The following KHDRBS2 variants were observed in gnomAD, a reference collection of about 807,000 sequenced individuals.
The protein encoded by KHDRBS2 is KH domain-containing, RNA-binding, signal transduction-associated protein 2.
Under a neutral mutation model 44.3 loss-of-function variants are expected in KHDRBS2, and 26 were observed. That is an observed-to-expected ratio of 0.59 (90% CI 0.43 to 0.81). The LOEUF (loss-of-function observed/expected upper bound fraction) is 0.81, where lower values mean the gene tolerates loss of function less well. KHDRBS2 is among the 40% of genes least tolerant of loss of function. KHDRBS2 has a pLI of 0.00. For missense variants in KHDRBS2, 476 were observed against 433.1 expected, an observed-to-expected ratio of 1.10 and a Z score of -0.88; for synonymous variants, 194 against 151.1, an observed-to-expected ratio of 1.28 and a Z score of -2.08.
At chr6:61,876,433 A>T (rs1378409295) in intron 6 of KHDRBS2, among the ~76,000 whole-genome samples, 1 of 152,008 alleles carries the variant, frequency 6.6e-6, no homozygotes, top group Non-Finnish European at 1.5e-5. Flanking sequence ...CAGTGAGGTG[A>T]CACAGAAGAA....
chr6:61,708,036 C>T (rs1441957212), intron 7 of KHDRBS2, among the ~76,000 whole-genome samples: 2 of 151,510 alleles, frequency 1.3e-5, no homozygotes, highest in African/African-American at 4.8e-5. Flanking sequence ...ATATTTTAGA[C>T]AGTTAATTTT....
intron 2 of KHDRBS2, among the ~76,000 whole-genome samples, chr6:62,071,917 T>A (rs1201011101): frequency 1.3e-5 from 2 of 152,186 alleles, no homozygotes; most frequent in Admixed American, 1.3e-4. Flanking sequence ...ATTGAATCTA[T>A]AAATTACCTT....
intron 6 of KHDRBS2, among the ~76,000 whole-genome samples, chr6:61,824,597 C>T (rs1790541191): frequency 6.6e-6 from 1 of 152,118 alleles, no homozygotes; most frequent in South Asian, 2.1e-4. Flanking sequence ...CAGGATTCTA[C>T]TTTGCCCTAA....
chr6:62,248,268 T>C lies in KHDRBS2; in HGVS notation c.91+37590A>G, dbSNP rs376124488. Among the ~76,000 whole-genome samples the C allele has an allele frequency of 2.0e-3, 306 of 151,234 alleles. 10 individuals carry two copies. In the South Asian group the frequency reaches 0.06, roughly 30 times the overall value. On this transcript the variant is annotated intron_variant, in intron 1 of 8. Coordinates refer to ENST00000281156, the MANE Select transcript of KHDRBS2 (RefSeq NM_152688.4). ...TGGGTAATTAAATGAATTAGGACAA[T>C]AAAGGACAGCTTGTGGTATTTTAAA...
chr6:61,871,204 C>T (rs528589480), intron 6 of KHDRBS2, among the ~76,000 whole-genome samples: 1 of 152,184 alleles, frequency 6.6e-6, no homozygotes, highest in South Asian at 2.1e-4. Flanking sequence ...AGAACTTCGT[C>T]AAGCATACAC....
At chr6:61,757,307 C>A (rs1486759728) in intron 6 of KHDRBS2, among the ~76,000 whole-genome samples, 1 of 152,106 alleles carries the variant, frequency 6.6e-6, no homozygotes, top group Non-Finnish European at 1.5e-5. Flanking sequence ...CACTGCAATT[C>A]TATTAGTTTT....
intron 2 of KHDRBS2, among the ~76,000 whole-genome samples, chr6:62,071,206 ATTTG>A (rs1349705777): frequency 6.6e-6 from 1 of 151,858 alleles, no homozygotes; most frequent in African/African-American, 2.4e-5. Context: ...TTTCTTGTAA[ATTTG>A]TTTGAGATCA....
chr6:61,869,241 C>T (rs1304447183), intron 6 of KHDRBS2, among the ~76,000 whole-genome samples: 2 of 152,174 alleles, frequency 1.3e-5, no homozygotes, highest in African/African-American at 4.8e-5. Context: ...TCATCCCTCT[C>T]TGTATATGCC....
At chr6:62,096,110 T>A (rs1396570906) in intron 2 of KHDRBS2, among the ~76,000 whole-genome samples, 1 of 151,954 alleles carries the variant, frequency 6.6e-6, no homozygotes, top group East Asian at 1.9e-4. Flanking sequence ...GCTTTTGGAT[T>A]TGGTTTGCTA....
intron 2 of KHDRBS2, among the ~76,000 whole-genome samples, chr6:62,096,308 C>A (rs1014281068): frequency 2.0e-5 from 3 of 151,880 alleles, no homozygotes; most frequent in Non-Finnish European, 4.4e-5. Context: ...GATACCAGTT[C>A]TTCTTTAAAA....
the KHDRBS2 span, among the ~76,000 whole-genome samples, chr6:61,547,609 A>G: frequency 1.3e-5 from 2 of 152,046 alleles, no homozygotes; most frequent in African/African-American, 4.8e-5. Flanking sequence ...TAGAGCAGTG[A>G]CTCTTAATCC....
chr6:61,779,680 TA>T (rs1782634930), intron 6 of KHDRBS2, among the ~76,000 whole-genome samples: 1 of 152,052 alleles, frequency 6.6e-6, no homozygotes, highest in South Asian at 2.1e-4. Flanking sequence ...GTGTTATAAT[TA>T]AATTTTATAT....
At chr6:62,078,619 A>G (rs1437624786) in intron 2 of KHDRBS2, among the ~76,000 whole-genome samples, 1 of 151,996 alleles carries the variant, frequency 6.6e-6, no homozygotes, top group Non-Finnish European at 1.5e-5. Context: ...ATTTGTAATT[A>G]TTTATACCAT....
At chr6:61,835,281 G>A (rs981177803) in intron 6 of KHDRBS2, among the ~76,000 whole-genome samples, 128 of 152,158 alleles carry the variant, frequency 8.4e-4, no homozygotes, top group African/African-American at 3.1e-3. Flanking sequence ...TGCCTACGTG[G>A]CAATTCTAAA....
At chr6:61,600,043 G>C in the KHDRBS2 span, among the ~76,000 whole-genome samples, 2 of 152,178 alleles carry the variant, frequency 1.3e-5, no homozygotes, top group Admixed American at 6.5e-5. Flanking sequence ...TACACTTAAG[G>C]CTAGTCTGCA....
chr6:61,608,314 G>C, the KHDRBS2 span, among the ~76,000 whole-genome samples: 1 of 82,076 alleles, frequency 1.2e-5, no homozygotes, highest in African/African-American at 4.3e-5. Context: ...GTATATATAT[G>C]TGTGTATATA....
intron 6 of KHDRBS2, among the ~76,000 whole-genome samples, chr6:61,842,584 C>A (rs945197752): frequency 1.3e-5 from 2 of 152,032 alleles, no homozygotes; most frequent in African/African-American, 2.4e-5. Flanking sequence ...ATCAGATAGA[C>A]AATAACAAGT....
intron 7 of KHDRBS2, among the ~76,000 whole-genome samples, chr6:61,709,704 T>G (rs1770173910): frequency 6.6e-6 from 1 of 151,694 alleles, no homozygotes; most frequent in South Asian, 2.1e-4. Context: ...AAAAATTTTC[T>G]ATAAATAATG....
intron 2 of KHDRBS2, among the ~76,000 whole-genome samples, chr6:62,109,666 C>T (rs1487738249): frequency 1.3e-5 from 2 of 151,214 alleles, no homozygotes; most frequent in Non-Finnish European, 2.9e-5. Flanking sequence ...ATACCAGTTA[C>T]AATAGCATCT....
Sources: gnomAD v4.1 joint callset for allele counts (sites outside exome capture counted in the v4.1 genomes callset) on GRCh38, gnomAD v4.1.1 for gene constraint, MANE v1.5 for transcripts, NCBI Gene and HGNC (gene_info 2026-07-23, HGNC 2026-07-21) for gene names.